GNG7: variants seen among roughly 807,000 people sequenced by gnomAD.
The protein encoded by GNG7 is G protein subunit gamma 7.
GNG7 carries 1 observed loss-of-function variant against 4.0 expected under a neutral mutation model. The observed-to-expected ratio is 0.25, with a 90% confidence interval of 0.09 to 1.18. The LOEUF (loss-of-function observed/expected upper bound fraction) is 1.18. GNG7 is among the 50% of genes most tolerant of loss of function. GNG7 has a pLI of 0.50. For synonymous variants in GNG7, 34 were observed against 36.9 expected (o/e 0.92, Z 0.29); for missense variants, 86 against 91.9 (o/e 0.94, Z 0.26).
intron 3 of GNG7, among the ~76,000 whole-genome samples, chr19:2,522,707 A>G (rs1240046343): frequency 9.6e-5 from 12 of 125,564 alleles, no homozygotes; most frequent in Admixed American, 1.9e-4. Flanking sequence ...AGCAGAGATC[A>G]CGCCACTGCA....
chr19:2,695,630 G>A (rs907140069), intron 1 of GNG7, among the ~76,000 whole-genome samples: 3 of 152,196 alleles, frequency 2.0e-5, no homozygotes, highest in Non-Finnish European at 4.4e-5. Context: ...AAGGGTCAGA[G>A]GGCAGGGCCA....
In GNG7 at chr19:2,537,801, C is replaced by T. The variant is rs143221616; in HGVS notation, c.-37-17076G>A. 3.2e-3 allele frequency among the ~76,000 whole-genome samples: 491 copies of T among 152,162 alleles called. 3 individuals carry two copies. The highest frequency in any genetic ancestry group is 0.013 in the South Asian group (62 of 4,824). On this transcript the variant is annotated intron_variant, in intron 3 of 4. Transcript: ENST00000382159. ...ATGAAAGGTCTTGAGGGAAGCGACA[C>T]AGAATTTCAAAAGAACATAATGAAT...
At chr19:2,637,963 A>G (rs11666073) in intron 2 of GNG7, among the ~76,000 whole-genome samples, 26,371 of 152,098 alleles carry the variant, frequency 0.17, 2,469 homozygotes, top group South Asian at 0.27. Flanking sequence ...GTTGGGAGGG[A>G]GAGAGGAGAT....
intron 1 of GNG7, among the ~76,000 whole-genome samples, chr19:2,664,483 C>T (rs1568278754): frequency 2.0e-5 from 3 of 152,098 alleles, no homozygotes; most frequent in Admixed American, 6.6e-5. Context: ...GGAACAGGCT[C>T]CACTGCACCC....
intron 2 of GNG7, among the ~76,000 whole-genome samples, chr19:2,607,811 T>C (rs568150568): frequency 6.6e-6 from 1 of 152,040 alleles, no homozygotes; most frequent in South Asian, 2.1e-4. Context: ...CACTGGGAAG[T>C]AGCCTGCAGT....
At chr19:2,552,830 C>A (rs1979373448) in intron 3 of GNG7, among the ~76,000 whole-genome samples, 1 of 133,812 alleles carries the variant, frequency 7.5e-6, no homozygotes, top group African/African-American at 2.8e-5. Flanking sequence ...TGAATCGTCC[C>A]CAAACCATCC....
intron 2 of GNG7, among the ~76,000 whole-genome samples, chr19:2,565,524 A>AC (rs1568245558): frequency 2.4e-5 from 2 of 82,698 alleles, no homozygotes; most frequent in Admixed American, 2.1e-4. Flanking sequence ...AAAAAAAAAA[A>AC]CAAAAACAAA....
At chr19:2,602,663 C>T (rs1981237329) in intron 2 of GNG7, among the ~76,000 whole-genome samples, 1 of 152,258 alleles carries the variant, frequency 6.6e-6, no homozygotes, top group African/African-American at 2.4e-5. Context: ...CCGTGGTGTT[C>T]TGGGAATCTA....
In GNG7 at chr19:2,609,523, C is replaced by A. The variant is rs578253007; in HGVS notation, c.-78+36701G>T. On this transcript the variant is annotated intron_variant, in intron 2 of 4. Transcript: ENST00000382159. The surrounding 1 kb of genome is among the most constrained non-coding windows in gnomAD (Gnocchi z 4.4). ...AGGACCTCAGGCTCTCTTCCGTGAG[C>A]CTTATTTTGGCCATTGCTGGAATCC... Among the ~76,000 whole-genome samples, 2 of 152,172 alleles carry A rather than the reference C, an allele frequency of 1.3e-5. No homozygotes were observed. The highest frequency in any genetic ancestry group is 3.9e-4 in the East Asian group (2 of 5,180).
At chr19:2,581,241 C>G (rs1359866472) in intron 2 of GNG7, among the ~76,000 whole-genome samples, 1 of 151,610 alleles carries the variant, frequency 6.6e-6, no homozygotes, top group African/African-American at 2.4e-5. Flanking sequence ...CCTCCTCTCC[C>G]CTCCCCCAAC....
intron 1 of GNG7, among the ~76,000 whole-genome samples, chr19:2,662,187 G>T (rs183841769): frequency 6.6e-6 from 1 of 151,756 alleles, no homozygotes; most frequent in Non-Finnish European, 1.5e-5. Context: ...TTGAACCTGG[G>T]GGGCGGAGGC....
At position 2,696,252 on chromosome 19, in the gene GNG7, AAAAG is replaced by A. The variant is rs540577508; in HGVS notation, c.-135+6390_-135+6393del. On this transcript the variant is annotated intron_variant, in intron 1 of 4. Coordinates refer to ENST00000382159, the MANE Select transcript of GNG7 (RefSeq NM_052847.3). ...AGAGGAGAGAGAGAAAGAAAAAGAA[AAAAG>A]AAAGAAAGAGAAGGAGAGAAAGAAA... 4.2e-3 allele frequency among the ~76,000 whole-genome samples: 634 copies of A among 150,164 alleles called. 2 individuals carry two copies. Among genetic ancestry groups the A allele is most frequent in the Non-Finnish European group, 5.6e-3 (376 of 67,560 alleles).
intron 1 of GNG7, among the ~76,000 whole-genome samples, chr19:2,693,937 T>G (rs894470405): frequency 1.2e-4 from 19 of 152,084 alleles, no homozygotes; most frequent in African/African-American, 4.3e-4. Context: ...TGTCTTCATT[T>G]TGTAAACCCA....
chr19:2,559,853 G>A (rs1037386266), intron 2 of GNG7, among the ~76,000 whole-genome samples: 1 of 152,108 alleles, frequency 6.6e-6, no homozygotes, highest in Non-Finnish European at 1.5e-5. Context: ...TGTGAGTGTT[G>A]AATAGGGCAG....
chr19:2,606,835 C>T (rs1981399069), intron 2 of GNG7, among the ~76,000 whole-genome samples: 1 of 151,530 alleles, frequency 6.6e-6, no homozygotes, highest in African/African-American at 2.4e-5. Context: ...TTCCCATTCT[C>T]GGTGATGACA....
At chr19:2,566,723 C>T (rs530589322) in intron 2 of GNG7, among the ~76,000 whole-genome samples, 5 of 152,242 alleles carry the variant, frequency 3.3e-5, no homozygotes, top group East Asian at 3.9e-4. Flanking sequence ...TGCAACTGCT[C>T]GACTCAGCCA....
At chr19:2,590,318 C>T (rs556068383) in intron 2 of GNG7, among the ~76,000 whole-genome samples, 2 of 152,116 alleles carry the variant, frequency 1.3e-5, no homozygotes, top group African/African-American at 2.4e-5. Context: ...TTTTCTCTAT[C>T]GGGCACATAA....
chr19:2,626,700 G>A lies in GNG7; in HGVS notation c.-78+19524C>T, dbSNP rs138256725. On this transcript the variant is annotated intron_variant, in intron 2 of 4. Coordinates refer to ENST00000382159, the MANE Select transcript of GNG7 (RefSeq NM_052847.3). This position sits in a 1 kb window ranked among gnomAD's most constrained non-coding sequence, Gnocchi z 5.0. The stretch of plus-strand genomic sequence containing the variant: ...GTTCACTCAATCAGGGTCTCAACTG[G>A]GGTAATTCTGTCCCCTCAGGGGACA... Among the ~76,000 whole-genome samples the A allele has an allele frequency of 3.5e-4, 53 of 152,272 alleles. No individual in the cohort carries two copies. The highest frequency in any genetic ancestry group is 1.1e-3 in the African/African-American group (46 of 41,554).
At position 2,607,969 on chromosome 19, in the gene GNG7, G is replaced by A. The variant is rs141338135; in HGVS notation, c.-78+38255C>T. ...CAGGCAGCCAGACGCACACACGCAC[G>A]CAGACCACACCATCCAGAAAGTTCA... On this transcript the variant is annotated intron_variant, in intron 2 of 4. Transcript: ENST00000382159. Among the ~76,000 whole-genome samples the A allele has an allele frequency of 3.9e-3, 580 of 150,406 alleles. 2 individuals are homozygous for A. Among genetic ancestry groups the A allele is most frequent in the African/African-American group, 0.013 (536 of 40,716 alleles).
Sources: gnomAD v4.1 joint callset for allele counts (sites outside exome capture counted in the v4.1 genomes callset) on GRCh38, gnomAD v4.1.1 for gene constraint, Gnocchi (gnomAD v3.1) non-coding constraint, MANE v1.5 for transcripts, NCBI Gene and HGNC (gene_info 2026-07-23, HGNC 2026-07-21) for gene names.